The following CUL9 variants were observed in gnomAD, a reference collection of about 807,000 sequenced individuals.
The protein encoded by CUL9 is cullin 9.
A neutral mutation model predicts 272.6 loss-of-function variants in CUL9; 79 were observed. That is an observed-to-expected ratio of 0.29 (90% CI 0.24 to 0.35). The LOEUF (loss-of-function observed/expected upper bound fraction) is 0.35. CUL9 is among the 10% of genes least tolerant of loss of function. The pLI, the probability that CUL9 is intolerant of heterozygous loss-of-function variation, is 1.00. For missense variants in CUL9, 2,532 were observed against 3,255.6 expected (o/e 0.78, Z 5.41); for synonymous variants, 1,186 against 1,286.5 (o/e 0.92, Z 1.67).
Position 43,204,088 on chromosome 6 carries a change from C to T in CUL9, c.4159+101C>T, listed in dbSNP as rs2150584170. The T allele has an allele frequency of 2.8e-6, 4 of 1,416,316 alleles. No individual in the cohort carries two copies. In the East Asian group the frequency reaches 9.5e-5, roughly 34 times the overall value. The allele number at this position is 1,416,316 out of a possible 1,614,324, so 87.7% of individuals were successfully genotyped here. On this transcript the variant is annotated intron_variant, in intron 20 of 40. Coordinates refer to ENST00000252050, the MANE Select transcript of CUL9 (RefSeq NM_015089.4). The stretch of plus-strand genomic sequence containing the variant: ...TGGTTCTTTTGGTTCCTGTCTTTAT[C>T]CCTGAAGGCCTGTCACCTCAGTGTT...
At position 43,200,562 on chromosome 6, in the gene CUL9, C is replaced by A; in HGVS notation, c.3475+36C>A. 6.2e-7 allele frequency: 1 copy of A among 1,614,130 alleles called. No homozygotes were observed. The highest frequency in any genetic ancestry group is 8.5e-7 in the Non-Finnish European group (1 of 1,179,982). ...TCATCTGCTTTCTCCTGGCTCCCAT[C>A]CAGTGTCTGTTCTCCCCTTCCCTTC... On this transcript the variant is annotated intron_variant, in intron 15 of 40. Coordinates refer to ENST00000252050, the MANE Select transcript of CUL9 (RefSeq NM_015089.4). This position sits in a 1 kb window ranked among gnomAD's most constrained non-coding sequence, Gnocchi z 4.0.
chr6:43,220,997 C>G lies in CUL9; in HGVS notation c.6588+86C>G. 6.7e-7 allele frequency: 1 copy of G among 1,488,480 alleles called. No individual in the cohort carries two copies. Among genetic ancestry groups the G allele is most frequent in the Non-Finnish European group, 9.0e-7 (1 of 1,111,310 alleles). 92.2% of individuals were successfully genotyped at this position (1,488,480 alleles called of 1,614,324 possible). On this transcript the variant is annotated intron_variant, in intron 33 of 40. Transcript: ENST00000252050. The surrounding 1 kb of genome is among the most constrained non-coding windows in gnomAD (Gnocchi z 4.9). ...ATCCCCACCCCGCCACACACACAGACTGTGACTTGTCCTTCCTCAGCCTCT... is the reference window on the plus strand; with the variant it reads ...ATCCCCACCCCGCCACACACACAGAGTGTGACTTGTCCTTCCTCAGCCTCT...
Position 43,188,044 on chromosome 6 carries a change from A to G in CUL9, c.1913A>G (p.Asp638Gly). ...TRTETPMAQS[D>G]SQLFNQLLVT... The stretch of plus-strand genomic sequence containing the variant: ...ACCGAGACCCCCATGGCACAGAGTG[A>G]TTCTCAGCTGTTTAACCAGCTTCTG... Residue 638 changes from aspartate (D) to glycine (G), a missense_variant, in exon 7 of 41, where the codon GAT (aspartate) becomes GGT (glycine). By Grantham distance (94) the Asp-to-Gly change is moderately conservative. This residue lies in a region of CUL9 where 2,218 missense variants were observed against 2,788.6 expected (regional missense o/e 0.80). Transcript: ENST00000252050. The G allele has an allele frequency of 5.6e-6, 9 of 1,613,714 alleles. No homozygotes were observed. Among genetic ancestry groups the G allele is most frequent in the Non-Finnish European group, 7.6e-6 (9 of 1,179,962 alleles).
In CUL9 at chr6:43,200,182, C is replaced by G; in HGVS notation, c.3384+26C>G. On this transcript the variant is annotated intron_variant, in intron 14 of 40. Coordinates refer to ENST00000252050, the MANE Select transcript of CUL9 (RefSeq NM_015089.4). The surrounding 1 kb of genome is among the most constrained non-coding windows in gnomAD (Gnocchi z 4.0). ...GTGAGGAGCGGCTGTGGGTATGCAG[C>G]TGAGAGAATGCAAGTCAGAAGCAGG... 6.3e-7 allele frequency: 1 copy of G among 1,595,534 alleles called. No homozygotes were observed. The highest frequency in any genetic ancestry group is 8.6e-7 in the Non-Finnish European group (1 of 1,165,028).
rs146528044 is a variant in CUL9 at position 43,222,565 on chromosome 6, C to G, written c.6956C>G (p.Ala2319Gly). The G allele has an allele frequency of 8.6e-5, 139 of 1,613,672 alleles. No homozygotes were observed. The highest frequency in any genetic ancestry group is 1.1e-4 in the Non-Finnish European group (135 of 1,180,036). Residue 2319 changes from alanine to glycine, a missense_variant, in exon 37 of 41, where the codon GCC (alanine) becomes GGC (glycine). Ala to Gly is a moderately conservative substitution (Grantham distance 60). Coordinates refer to ENST00000252050, the MANE Select transcript of CUL9 (RefSeq NM_015089.4). ...FAVNLRNRVSAIHEVPPPRSF... is the reference protein window; with the variant it reads ...FAVNLRNRVSGIHEVPPPRSF... ...GTGAACTTGCGGAACCGGGTGTCTG[C>G]CATCCATGAAGTGCCCCCGCCCAGA...
At chr6:43,217,569 T>A (rs1483916582) in intron 31 of CUL9, among the ~76,000 whole-genome samples, 3 of 152,174 alleles carry the variant, frequency 2.0e-5, no homozygotes, top group Non-Finnish European at 2.9e-5. Flanking sequence ...TTGCCATGAA[T>A]TCCAGCTGCT....
chr6:43,203,097 C>G lies in CUL9; in HGVS notation c.3754-12C>G. 4 of 1,612,752 alleles carry G rather than the reference C, an allele frequency of 2.5e-6. No homozygotes were observed. The highest frequency in any genetic ancestry group is 3.4e-6 in the Non-Finnish European group (4 of 1,179,894). On this transcript the variant is annotated splice_polypyrimidine_tract_variant and intron_variant, in intron 17 of 40. Coordinates refer to ENST00000252050, the MANE Select transcript of CUL9 (RefSeq NM_015089.4). This position sits in a 1 kb window ranked among gnomAD's most constrained non-coding sequence, Gnocchi z 5.0. ...GTGACAGTTCTCTCCCTCTTCTCCC[C>G]TGCCCTACCAGGTGAATGTGATGCC...
intron 26 of CUL9, among the ~76,000 whole-genome samples, chr6:43,208,001 G>T (rs987246064): frequency 2.0e-5 from 3 of 152,072 alleles, no homozygotes; most frequent in African/African-American, 7.2e-5. Flanking sequence ...AATCATACTG[G>T]TTTAACTGTA....
intron 8 of CUL9, among the ~76,000 whole-genome samples, chr6:43,191,481 A>ATTTTTTTTTTTTTTTTTTT (rs34090146): frequency 1.5e-4 from 15 of 97,448 alleles, no homozygotes; most frequent in African/African-American, 6.6e-4. Context: ...CACCCAGCTA[A>ATTTTTTTTTTTTTTTTTTT]TTTTTTTTTT....
At position 43,196,702 on chromosome 6, in the gene CUL9, C is replaced by T. The variant is rs1374400654; in HGVS notation, c.2643C>T (p.His881=). 1.2e-6 allele frequency: 2 copies of T among 1,614,212 alleles called. No individual in the cohort carries two copies. The highest frequency in any genetic ancestry group is 1.7e-6 in the Non-Finnish European group (2 of 1,180,036). The change falls in exon 11 of 41, where the codon CAC becomes CAT. Residue 881 remains histidine (H), a synonymous_variant. Transcript: ENST00000252050. ...TGCTCAACCTACTTTTGTGCAACCA[C>T]CACACTCTGGGAGACCAGATTATAA... ...LLLLNLLLCN[H]HTLGDQIITQ... is the part of the protein sequence containing the mutation.
intron 26 of CUL9, among the ~76,000 whole-genome samples, chr6:43,208,496 G>A (rs1337663191): frequency 6.6e-6 from 1 of 152,208 alleles, no homozygotes; most frequent in African/African-American, 2.4e-5. Flanking sequence ...GTGAGCCACT[G>A]TGCTCGGCTG....
chr6:43,188,015 A>G lies in CUL9; in HGVS notation c.1884A>G (p.Thr628=), dbSNP rs779104958. The stretch of plus-strand genomic sequence containing the variant: ...AGACAGAGGCCGAGCCCACCAAGAC[A>G]AGGACCGAGACCCCCATGGCACAGA... The part of the protein sequence containing the change: ...APKTEAEPTK[T]RTETPMAQSD... The change falls in exon 7 of 41, where the codon ACA becomes ACG. Residue 628 remains threonine (T), a synonymous_variant. Transcript: ENST00000252050. 6.2e-7 allele frequency: 1 copy of G among 1,613,940 alleles called. No individual in the cohort carries two copies. The highest frequency in any genetic ancestry group is 1.7e-5 in the Admixed American group (1 of 60,018).
chr6:43,196,920 A>AT lies in CUL9; in HGVS notation c.2803+59dup. 2.2e-6 allele frequency: 3 copies of AT among 1,381,744 alleles called. No homozygotes were observed. The South Asian group carries it at 3.5e-5, about 16-fold the overall frequency. The allele number at this position is 1,381,744 out of a possible 1,614,324, so 85.6% of individuals were successfully genotyped here. A position where few individuals can be genotyped will look rare whatever the true frequency, so the allele number is the denominator to read the frequency against. On this transcript the variant is annotated intron_variant, in intron 11 of 40. Transcript: ENST00000252050. ...ATCACACAGTGCCAGCCAGGTTTAC[A>AT]TATCAGCTCCTTACTGGAAAGATAC...
rs75103728 is a variant in CUL9, at chr6:43,220,121, C to T, written c.6283-338C>T. Among the ~76,000 whole-genome samples the T allele has an allele frequency of 3.2e-3, 494 of 152,310 alleles. 1 individual carries two copies. Among genetic ancestry groups the T allele is most frequent in the Non-Finnish European group, 5.4e-3 (370 of 68,020 alleles). ...CCCATTTCCCAGGCCTCCTTTCTCT[C>T]GGACCTTCCTGCTCTCTGCATATCT... On this transcript the variant is annotated intron_variant, in intron 31 of 40. Transcript: ENST00000252050. The surrounding 1 kb of genome is among the most constrained non-coding windows in gnomAD (Gnocchi z 4.9).
At chr6:43,209,168 C>T (rs1424558110) in intron 26 of CUL9, among the ~76,000 whole-genome samples, 7 of 128,650 alleles carry the variant, frequency 5.4e-5, no homozygotes, top group African/African-American at 8.9e-5. Flanking sequence ...TTTTTGGAAA[C>T]GGAGTCTCAC....
intron 9 of CUL9, among the ~76,000 whole-genome samples, chr6:43,194,140 G>T (rs936206256): frequency 1.3e-5 from 2 of 152,134 alleles, no homozygotes; most frequent in African/African-American, 2.4e-5. Context: ...TAGCCTGAGG[G>T]TTCCTGAGGG....
intron 9 of CUL9, among the ~76,000 whole-genome samples, chr6:43,194,355 G>A (rs1773808230): frequency 1.3e-5 from 2 of 148,768 alleles, no homozygotes; most frequent in Admixed American, 6.8e-5. Context: ...GTCTTGCTCT[G>A]TAGCCCAGGC....
At chr6:43,194,253 G>A (rs1044648050) in intron 9 of CUL9, among the ~76,000 whole-genome samples, 1 of 152,168 alleles carries the variant, frequency 6.6e-6, no homozygotes, top group Non-Finnish European at 1.5e-5. Flanking sequence ...AGGCTGTCCC[G>A]GGAGAGGCCA....
chr6:43,202,627 C>A, intron 16 of CUL9, 89 bp from the exon 17 acceptor site: 1 of 1,092,038 alleles, frequency 9.2e-7, no homozygotes, highest in Non-Finnish European at 1.4e-6. Context: ...GCGATCCTCC[C>A]ACCTCAGCCT....
Sources: gnomAD v4.1 joint callset for allele counts (sites outside exome capture counted in the v4.1 genomes callset) on GRCh38, gnomAD v4.1.1 for gene constraint, gnomAD v4.1.1 regional missense constraint, Gnocchi (gnomAD v3.1) non-coding constraint, MANE v1.5 for transcripts, NCBI Gene and HGNC (gene_info 2026-07-23, HGNC 2026-07-21) for gene names.